Variants in TMEM138 observed in about 807,000 individuals in gnomAD.
TMEM138 encodes transmembrane protein 138.
TMEM138 carries 9 observed loss-of-function variants against 18.1 expected under a neutral mutation model. The ratio of observed to expected loss-of-function variants is 0.50; its 90% confidence interval spans 0.30 to 0.87. The LOEUF is 0.87. Ranked by LOEUF, TMEM138 falls within the 40% of genes least tolerant of loss-of-function variation. TMEM138 has a pLI of 0.06. For missense variants in TMEM138, 189 were observed against 190.6 expected, an observed-to-expected ratio of 0.99 and a Z score of 0.05; for synonymous variants, 79 against 74.8, an observed-to-expected ratio of 1.06 and a Z score of -0.29.
downstream of TMEM138, among the ~76,000 whole-genome samples, chr11:61,372,249 C>G (rs1174981514): frequency 6.6e-6 from 1 of 151,538 alleles, no homozygotes; most frequent in Non-Finnish European, 1.5e-5. Flanking sequence ...GTGTTGAAGT[C>G]CACAGAAATG....
chr11:61,368,501 C>T (rs1036824045), intron 4 of TMEM138, 96 bp from the exon 5 acceptor site: 2 of 766,358 alleles, frequency 2.6e-6, no homozygotes, highest in African/African-American at 1.7e-5. Context: ...GCTGGGATTA[C>T]AGGCGTGAGC....
rs571531854 is a variant in TMEM138 at position 61,368,206 on chromosome 11, GTTCTT to G, written c.376+211_376+215del. ...GGGCTGCCCAGCCTCATTAGGTTCT[GTTCTT>G]TTTGTTTGTTTGTTTGTTTGTTTGT... On this transcript the variant is annotated intron_variant, in intron 4 of 4. Transcript: ENST00000278826. 512 of 681,326 alleles carry G rather than the reference GTTCTT, an allele frequency of 7.5e-4. 6 individuals carry two copies. The highest frequency in any genetic ancestry group is 7.4e-3 in the South Asian group (503 of 67,608). The allele number at this position is 681,326 out of a possible 1,614,324, so 42.2% of individuals were successfully genotyped here.
rs774888569 is a variant in TMEM138, at chr11:61,364,430, C to A, written c.40C>A (p.Gln14Lys). 6.2e-7 allele frequency: 1 copy of A among 1,614,240 alleles called. No homozygotes were observed. The highest frequency in any genetic ancestry group is 8.5e-7 in the Non-Finnish European group (1 of 1,180,042). ...TAACTACAGCCTGGTGCTCTCTCTG[C>A]AGTTCCTGCTGCTGTCCTATGACCT... ...TSNYSLVLSL[Q>K]FLLLSYDLFV... Residue 14 changes from glutamine to lysine, a missense_variant, in exon 2 of 5, where the codon CAG (glutamine) becomes AAG (lysine). Gln to Lys is a moderately conservative substitution (Grantham distance 53, BLOSUM62 1). Coordinates refer to ENST00000278826, the MANE Select transcript of TMEM138 (RefSeq NM_016464.5).
At chr11:61,375,067 G>A (rs1035109936), downstream of TMEM138, among the ~76,000 whole-genome samples, 4 of 152,146 alleles carry the variant, frequency 2.6e-5, no homozygotes, top group Non-Finnish European at 5.9e-5. Context: ...GACTCATGGA[G>A]AACTGAAATG....
downstream of TMEM138, among the ~76,000 whole-genome samples, chr11:61,374,099 T>A (rs1176805770): frequency 4.7e-5 from 7 of 150,332 alleles, no homozygotes; most frequent in African/African-American, 1.7e-4. Context: ...CACCTCGGCC[T>A]CCCAAAGTTC....
At chr11:61,365,967 G>A in intron 2 of TMEM138, 78 bp from the exon 3 acceptor site, 1 of 1,505,332 alleles carries the variant, frequency 6.6e-7, no homozygotes, top group Non-Finnish European at 8.9e-7. Context: ...AGGCCTCGTG[G>A]TGTCCCTCAG....
chr11:61,374,809 C>T (rs1285888998), downstream of TMEM138, among the ~76,000 whole-genome samples: 5 of 152,028 alleles, frequency 3.3e-5, no homozygotes, highest in African/African-American at 4.8e-5. Flanking sequence ...ATTAGCTGGG[C>T]GTGGTGGCAG....
At chr11:61,365,946 C>T (rs963263728) in intron 2 of TMEM138, 99 bp from the exon 3 acceptor site, 19 of 1,429,648 alleles carry the variant, frequency 1.3e-5, no homozygotes, top group Middle Eastern at 3.7e-4. Context: ...GCCTATCTCA[C>T]AACAAAGGAC....
downstream of TMEM138, among the ~76,000 whole-genome samples, chr11:61,371,985 G>A (rs1227909108): frequency 6.6e-6 from 1 of 152,016 alleles, no homozygotes; most frequent in African/African-American, 2.4e-5. Context: ...GGACCAGCCT[G>A]GCCAACGTGG....
Position 61,366,176 on chromosome 11 carries a change from T to C in TMEM138, c.260T>C (p.Val87Ala). Residue 87 changes from valine to alanine, a missense_variant, in exon 3 of 5, where the codon GTG becomes GCG. Val to Ala is a moderately conservative substitution (Grantham distance 64). Coordinates refer to ENST00000278826, the MANE Select transcript of TMEM138 (RefSeq NM_016464.5). ...AAAGGGACCATCATCCTGACAGCTGTGTACTTTGCCCTCAGCATCTCCCTT... is the reference window on the plus strand; with the variant it reads ...AAAGGGACCATCATCCTGACAGCTGCGTACTTTGCCCTCAGCATCTCCCTT... ...KFKGTIILTAVYFALSISLHV... is the reference protein window; with the variant it reads ...KFKGTIILTAAYFALSISLHV... 1 of 1,614,254 alleles carries C rather than the reference T, an allele frequency of 6.2e-7. No homozygotes were observed. The highest frequency in any genetic ancestry group is 1.1e-5 in the South Asian group (1 of 91,086).
At position 61,368,772 on chromosome 11, in the gene TMEM138, G is replaced by T; in HGVS notation, c.*63G>T. On this transcript the variant is annotated 3_prime_UTR_variant, in exon 5 of 5. Transcript: ENST00000278826. ...AGAAGCCACATTTGCTGCTTTGCAG[G>T]GAGAGTTGGCCCTATGCATGGGCAA... is the stretch of plus-strand genomic sequence containing the variant. 1 of 1,348,630 alleles carries T rather than the reference G, an allele frequency of 7.4e-7. No homozygotes were observed. The highest frequency in any genetic ancestry group is 2.3e-5 in the East Asian group (1 of 43,434). 83.5% of individuals were successfully genotyped at this position (1,348,630 alleles called of 1,614,324 possible).
downstream of TMEM138, among the ~76,000 whole-genome samples, chr11:61,374,133 G>A (rs1325689724): frequency 2.7e-5 from 4 of 149,462 alleles, no homozygotes; most frequent in East Asian, 2.0e-4. Flanking sequence ...CTGAGCCACT[G>A]CGCCCAGTCC....
intron 4 of TMEM138, 144 bp downstream of exon 4, chr11:61,368,142 C>T: frequency 1.3e-6 from 1 of 757,658 alleles, no homozygotes; most frequent in South Asian, 1.4e-5. Flanking sequence ...GGATTACTGC[C>T]CCTGCCCTTG....
At chr11:61,365,534 G>A (rs1017665263) in intron 2 of TMEM138, among the ~76,000 whole-genome samples, 5 of 151,928 alleles carry the variant, frequency 3.3e-5, no homozygotes, top group Admixed American at 6.6e-5. Context: ...TGCCCACCTC[G>A]GCCTCCCAAA....
downstream of TMEM138, among the ~76,000 whole-genome samples, chr11:61,370,793 A>T (rs887076265): frequency 6.6e-5 from 10 of 152,102 alleles, no homozygotes; most frequent in African/African-American, 2.2e-4. Context: ...GCTTCCATAG[A>T]CTATAGGATA....
downstream of TMEM138, among the ~76,000 whole-genome samples, chr11:61,370,165 AG>A (rs1858300463): frequency 6.6e-6 from 1 of 152,208 alleles, no homozygotes; most frequent in African/African-American, 2.4e-5. Context: ...CGGGTAGGGT[AG>A]GCAGGCTGGG....
At position 61,364,604 on chromosome 11, in the gene TMEM138, G is replaced by T. The variant is rs935982729; in HGVS notation, c.128+86G>T. The T allele has an allele frequency of 3.8e-6, 6 of 1,565,060 alleles. No individual in the cohort carries two copies. The African/African-American group carries it at 8.1e-5, about 21-fold the overall frequency. ...GTGATTTAGTGTCTTAAAGTTATTAGTAGGCTGGGTACGGTGGCTCACACC... is the reference window on the plus strand; with the variant it reads ...GTGATTTAGTGTCTTAAAGTTATTATTAGGCTGGGTACGGTGGCTCACACC... On this transcript the variant is annotated intron_variant, in intron 2 of 4. Transcript: ENST00000278826.
downstream of TMEM138, among the ~76,000 whole-genome samples, chr11:61,372,270 A>C (rs766302554): frequency 3.3e-5 from 5 of 151,972 alleles, no homozygotes; most frequent in African/African-American, 4.8e-5. Flanking sequence ...TTTGCAGTTA[A>C]GATCATGAGA....
intron 1 of TMEM138, chr11:61,363,941 A>G (rs1240111117): frequency 6.5e-6 from 1 of 154,578 alleles, no homozygotes; most frequent in Non-Finnish European, 1.4e-5. Context: ...TCCCTGGCAC[A>G]TTGTAAGCAA....
Sources: allele counts gnomAD v4.1 joint callset (sites outside exome capture counted in the v4.1 genomes callset), GRCh38; gene constraint gnomAD v4.1.1; transcripts MANE v1.5; gene names NCBI Gene and HGNC (gene_info 2026-07-23, HGNC 2026-07-21).